Variants in PRKN observed in about 807,000 individuals in gnomAD.
The protein encoded by PRKN is parkin RBR E3 ubiquitin protein ligase, also known as E3 ubiquitin-protein ligase parkin.
PRKN carries 56 observed loss-of-function variants against 59.5 expected under a neutral mutation model. The observed-to-expected ratio is 0.94, with a 90% CI of 0.76 to 1.18. The LOEUF (loss-of-function observed/expected upper bound fraction) is 1.18, where lower values mean the gene tolerates loss of function less well. Ranked by LOEUF, PRKN falls within the 50% of genes most tolerant of loss-of-function variation. The pLI, the probability that PRKN is intolerant of heterozygous loss-of-function variation, is 0.00. For synonymous variants in PRKN, 250 were observed against 222.1 expected, an observed-to-expected ratio of 1.13 and a Z score of -1.12; for missense variants, 657 against 596.4, an observed-to-expected ratio of 1.10 and a Z score of -1.06.
intron 5 of PRKN, among the ~76,000 whole-genome samples, chr6:162,044,502 C>T (rs552352880): frequency 8.5e-5 from 13 of 152,262 alleles, no homozygotes; most frequent in Non-Finnish European, 1.6e-4. Context: ...TCCAGGCAGC[C>T]GCCCTGTTTC....
intron 4 of PRKN, among the ~76,000 whole-genome samples, chr6:162,114,761 C>T (rs2128303503): frequency 6.6e-6 from 1 of 151,422 alleles, no homozygotes; most frequent in South Asian, 2.1e-4. Flanking sequence ...CCATCACTGG[C>T]CATCAGAGAA....
At chr6:161,619,485 A>G (rs1359966159) in intron 7 of PRKN, among the ~76,000 whole-genome samples, 2 of 152,214 alleles carry the variant, frequency 1.3e-5, no homozygotes, top group African/African-American at 4.8e-5. Context: ...TGATATCTAT[A>G]TAACAATAAC....
intron 1 of PRKN, among the ~76,000 whole-genome samples, chr6:162,718,528 G>A (rs1055817715): frequency 6.6e-6 from 1 of 152,102 alleles, no homozygotes; most frequent in African/African-American, 2.4e-5. Flanking sequence ...TGACTAACAC[G>A]GTGATACCCC....
At chr6:162,493,021 C>G (rs772915107) in intron 1 of PRKN, among the ~76,000 whole-genome samples, 28 of 151,762 alleles carry the variant, frequency 1.8e-4, no homozygotes, top group Non-Finnish European at 1.0e-4. Context: ...CTTCCTGCCC[C>G]CTCCCACACC....
chr6:162,006,209 G>A (rs995049920), intron 5 of PRKN, among the ~76,000 whole-genome samples: 29 of 152,196 alleles, frequency 1.9e-4, no homozygotes, highest in African/African-American at 5.1e-4. Flanking sequence ...GTTGCTTGGC[G>A]TTTGTTGATT....
intron 5 of PRKN, among the ~76,000 whole-genome samples, chr6:161,987,524 C>T (rs1054647588): frequency 6.6e-6 from 1 of 152,186 alleles, no homozygotes; most frequent in Non-Finnish European, 1.5e-5. Context: ...AGCACATCCT[C>T]CTGTGTACTC....
At chr6:162,247,191 C>G (rs1779235777) in intron 3 of PRKN, among the ~76,000 whole-genome samples, 1 of 152,048 alleles carries the variant, frequency 6.6e-6, no homozygotes, top group African/African-American at 2.4e-5. Flanking sequence ...TTTGTGAAAT[C>G]AAAGATCTTA....
At chr6:162,087,887 C>A (rs1352464674) in intron 4 of PRKN, among the ~76,000 whole-genome samples, 1 of 152,058 alleles carries the variant, frequency 6.6e-6, no homozygotes, top group Non-Finnish European at 1.5e-5. Flanking sequence ...TCACTGCGCC[C>A]GGCCAATAAT....
intron 6 of PRKN, among the ~76,000 whole-genome samples, chr6:161,838,359 G>T (rs182279635): frequency 6.4e-4 from 97 of 152,308 alleles, no homozygotes; most frequent in African/African-American, 2.2e-3. Context: ...TCAGGAGGCA[G>T]TGTGCCTTAA....
chr6:162,715,247 A>G (rs912814287), intron 1 of PRKN, among the ~76,000 whole-genome samples: 1 of 152,222 alleles, frequency 6.6e-6, no homozygotes, highest in South Asian at 2.1e-4. Flanking sequence ...ACATGGAAGA[A>G]GACAAACCGG....
At chr6:161,727,953 A>G (rs1025565392) in intron 7 of PRKN, among the ~76,000 whole-genome samples, 2 of 152,226 alleles carry the variant, frequency 1.3e-5, no homozygotes, top group African/African-American at 4.8e-5. Context: ...TCATCTTATT[A>G]AAAACAGATT....
chr6:162,060,072 G>C (rs1416379431), intron 4 of PRKN, among the ~76,000 whole-genome samples: 2 of 152,052 alleles, frequency 1.3e-5, no homozygotes, highest in African/African-American at 4.8e-5. Flanking sequence ...GTTTACTGTC[G>C]GGCCCTTTAT....
chr6:162,078,928 C>T (rs1477932749), intron 4 of PRKN, among the ~76,000 whole-genome samples: 1 of 151,974 alleles, frequency 6.6e-6, no homozygotes, highest in East Asian at 1.9e-4. Context: ...TTTAATAGAT[C>T]AGACCCTCCT....
chr6:162,389,127 T>A (rs1385582958), intron 2 of PRKN, among the ~76,000 whole-genome samples: 1 of 151,968 alleles, frequency 6.6e-6, no homozygotes, highest in African/African-American at 2.4e-5. Flanking sequence ...GATGTGTGAG[T>A]CCTGCCAAAG....
In PRKN at chr6:161,533,367, T is replaced by C. The variant is rs6905156; in HGVS notation, c.1083+15487A>G. ...TTTTCTTTTCCAACAAAGAGCAGCC[T>C]GTAAAATCGACCTGCAGACACAAAC... On this transcript the variant is annotated intron_variant, in intron 9 of 11. Coordinates refer to ENST00000366898, the MANE Select transcript of PRKN (RefSeq NM_004562.3). This position sits in a 1 kb window ranked among gnomAD's most constrained non-coding sequence, Gnocchi z 4.1. Among the ~76,000 whole-genome samples the C allele has an allele frequency of 0.56, 84,604 of 151,958 alleles. 23,811 individuals are homozygous for C. The highest frequency in any genetic ancestry group is 0.72 in the South Asian group (3,463 of 4,812).
intron 9 of PRKN, among the ~76,000 whole-genome samples, chr6:161,539,707 A>G (rs2115405806): frequency 6.6e-6 from 1 of 152,328 alleles, no homozygotes; most frequent in African/African-American, 2.4e-5. Flanking sequence ...TATAAACTGA[A>G]AAGTAAAAGC....
intron 4 of PRKN, among the ~76,000 whole-genome samples, chr6:162,117,296 T>C (rs1475807956): frequency 6.6e-6 from 1 of 152,176 alleles, no homozygotes; most frequent in Non-Finnish European, 1.5e-5. Flanking sequence ...GGAGTCATGT[T>C]CAGGATGAGA....
At chr6:161,769,225 C>T (rs1239333863) in intron 7 of PRKN, among the ~76,000 whole-genome samples, 1 of 152,196 alleles carries the variant, frequency 6.6e-6, no homozygotes, top group Non-Finnish European at 1.5e-5. Context: ...CCGTGTGAGT[C>T]ACGCGTTTCT....
At chr6:161,900,916 A>ATATATATATATATATATATATATATATG (rs1275028650) in intron 6 of PRKN, among the ~76,000 whole-genome samples, 3 of 127,196 alleles carry the variant, frequency 2.4e-5, no homozygotes, top group African/African-American at 9.1e-5. Flanking sequence ...TAAATTGTAT[A>ATATATATATATATATATATATATATATG]TATATATATA....
Sources: allele counts gnomAD v4.1 joint callset (sites outside exome capture counted in the v4.1 genomes callset), GRCh38; gene constraint gnomAD v4.1.1; non-coding constraint Gnocchi (gnomAD v3.1); transcripts MANE v1.5; gene names NCBI Gene and HGNC (gene_info 2026-07-23, HGNC 2026-07-21).